Variants in AGBL4 observed in about 807,000 individuals in gnomAD.
The protein encoded by AGBL4 is AGBL carboxypeptidase 4.
A neutral mutation model predicts 66.4 loss-of-function variants in AGBL4; 58 were observed. That is an observed-to-expected ratio of 0.87 (90% CI 0.71 to 1.09). AGBL4 has a LOEUF of 1.09. Ranked by LOEUF, AGBL4 falls within the 50% of genes least tolerant of loss-of-function variation. The pLI is 0.00. For missense variants in AGBL4, 579 were observed against 631.0 expected, an observed-to-expected ratio of 0.92 and a Z score of 0.88; for synonymous variants, 234 against 222.9, an observed-to-expected ratio of 1.05 and a Z score of -0.44.
intron 3 of AGBL4, among the ~76,000 whole-genome samples, chr1:49,348,098 C>T (rs939845321): frequency 5.9e-5 from 9 of 151,894 alleles, no homozygotes; most frequent in African/African-American, 2.2e-4. Flanking sequence ...TGAGTGGGCC[C>T]TAAACGCAGT....
At chr1:49,420,348 C>T (rs1351175990) in intron 3 of AGBL4, among the ~76,000 whole-genome samples, 1 of 152,146 alleles carries the variant, frequency 6.6e-6, no homozygotes, top group Non-Finnish European at 1.5e-5. Flanking sequence ...GAGTAACAAA[C>T]TAGTCTTGAC....
chr1:49,865,158 G>C (rs1256984719), intron 1 of AGBL4, among the ~76,000 whole-genome samples: 2 of 152,174 alleles, frequency 1.3e-5, no homozygotes, highest in Non-Finnish European at 2.9e-5. Context: ...CTGTAAATCA[G>C]AGGACTTAAG....
chr1:49,538,522 G>A (rs1651775298), intron 3 of AGBL4, among the ~76,000 whole-genome samples: 2 of 152,120 alleles, frequency 1.3e-5, no homozygotes, highest in African/African-American at 4.8e-5. Flanking sequence ...ATTTTAAAAT[G>A]ATGCATCATA....
chr1:49,974,290 G>A (rs1658382417), intron 1 of AGBL4, among the ~76,000 whole-genome samples: 3 of 152,066 alleles, frequency 2.0e-5, no homozygotes, highest in Admixed American at 6.6e-5. Context: ...AATAAAATAT[G>A]TATGGTGAAA....
intron 2 of AGBL4, among the ~76,000 whole-genome samples, chr1:49,715,978 G>A (rs1291992559): frequency 6.6e-6 from 1 of 152,006 alleles, no homozygotes; most frequent in Non-Finnish European, 1.5e-5. Flanking sequence ...TGTCTATTTT[G>A]GCTTTTGTTG....
chr1:49,110,915 T>C (rs1303426462), intron 4 of AGBL4, among the ~76,000 whole-genome samples: 1 of 152,126 alleles, frequency 6.6e-6, no homozygotes, highest in Non-Finnish European at 1.5e-5. Context: ...CCTCAAACGA[T>C]GGAAATTTCC....
At chr1:49,398,822 C>A (rs1645025487) in intron 3 of AGBL4, among the ~76,000 whole-genome samples, 1 of 152,098 alleles carries the variant, frequency 6.6e-6, no homozygotes, top group African/African-American at 2.4e-5. Context: ...TCATCTCAAG[C>A]ACTTATCTTT....
At chr1:49,194,255 C>T (rs1022593858) in intron 4 of AGBL4, among the ~76,000 whole-genome samples, 1 of 144,810 alleles carries the variant, frequency 6.9e-6, no homozygotes, top group South Asian at 2.3e-4. Context: ...ATCTCTTTAT[C>T]ATTATATACT....
At chr1:49,179,372 G>A (rs1363909279) in intron 4 of AGBL4, among the ~76,000 whole-genome samples, 1 of 152,074 alleles carries the variant, frequency 6.6e-6, no homozygotes, top group African/African-American at 2.4e-5. Context: ...AAAAAAATGG[G>A]TTAGAAATAT....
intron 4 of AGBL4, among the ~76,000 whole-genome samples, chr1:49,202,785 A>G (rs1391825198): frequency 1.3e-5 from 2 of 152,056 alleles, no homozygotes; most frequent in Non-Finnish European, 2.9e-5. Context: ...TAAAACTATT[A>G]CACAGCAAAA....
intron 3 of AGBL4, among the ~76,000 whole-genome samples, chr1:49,530,288 T>TA (rs1651029991): frequency 3.7e-4 from 15 of 41,060 alleles, no homozygotes; most frequent in Non-Finnish European, 2.5e-4. Flanking sequence ...AAAAACTCTA[T>TA]GAGTTTTTTT....
chr1:49,900,039 C>T (rs924164867), intron 1 of AGBL4, among the ~76,000 whole-genome samples: 1 of 151,004 alleles, frequency 6.6e-6, no homozygotes, highest in Non-Finnish European at 1.5e-5. Context: ...AAGACTCCAT[C>T]TCAAAAAAAA....
At chr1:49,511,149 C>T (rs1474194800) in intron 3 of AGBL4, among the ~76,000 whole-genome samples, 7 of 151,804 alleles carry the variant, frequency 4.6e-5, no homozygotes, top group African/African-American at 7.3e-5. Context: ...TAAAGACACA[C>T]ACACACGTAT....
intron 4 of AGBL4, among the ~76,000 whole-genome samples, chr1:49,060,131 T>C (rs556291095): frequency 2.8e-4 from 43 of 152,270 alleles, no homozygotes; most frequent in Middle Eastern, 6.8e-3. Context: ...CCCAATCTCA[T>C]CTTTAATTGT....
At chr1:49,870,300 T>C (rs1164582905) in intron 1 of AGBL4, among the ~76,000 whole-genome samples, 1 of 152,128 alleles carries the variant, frequency 6.6e-6, no homozygotes, top group African/African-American at 2.4e-5. Flanking sequence ...TGACACACAC[T>C]GTTAGTGAAA....
At chr1:48,773,800 C>A (rs1644949075) in intron 6 of AGBL4, among the ~76,000 whole-genome samples, 1 of 152,154 alleles carries the variant, frequency 6.6e-6, no homozygotes, top group African/African-American at 2.4e-5. Flanking sequence ...GTGTCCTCAT[C>A]TATGAAATGG....
chr1:48,956,229 T>G (rs547201261), intron 5 of AGBL4, among the ~76,000 whole-genome samples: 1 of 152,354 alleles, frequency 6.6e-6, no homozygotes, highest in African/African-American at 2.4e-5. Flanking sequence ...ATTGAATTTC[T>G]TGGCCCTCAG....
intron 2 of AGBL4, among the ~76,000 whole-genome samples, chr1:49,749,656 G>A (rs928717476): frequency 5.9e-5 from 9 of 151,946 alleles, no homozygotes; most frequent in Non-Finnish European, 1.0e-4. Context: ...TTCCATTCAC[G>A]GTTATATCAA....
rs576094067 is a variant in AGBL4, at chr1:49,349,630, T to C, written c.283-103766A>G. Among the ~76,000 whole-genome samples, 29 of 152,324 alleles carry C rather than the reference T, an allele frequency of 1.9e-4. 1 individual carries two copies. In the South Asian group the frequency reaches 4.6e-3, roughly 24 times the overall value. ...ACAGAATTCGAAATCCTAAATTTAT[T>C]TGTGTACTTTTTGGATAAATTTCTT... On this transcript the variant is annotated intron_variant, in intron 3 of 13. Transcript: ENST00000371839.
Sources: gnomAD v4.1 joint callset for allele counts (sites outside exome capture counted in the v4.1 genomes callset) on GRCh38, gnomAD v4.1.1 for gene constraint, MANE v1.5 for transcripts, NCBI Gene and HGNC (gene_info 2026-07-23, HGNC 2026-07-21) for gene names.